FAM13C: variants seen among roughly 807,000 people sequenced by gnomAD.
FAM13C encodes family with sequence similarity 13 member C.
A neutral mutation model predicts 73.2 loss-of-function variants in FAM13C; 37 were observed. That is an observed-to-expected ratio of 0.51 (90% CI 0.39 to 0.67). The LOEUF is 0.67. Ranked by LOEUF, FAM13C falls within the 30% of genes least tolerant of loss-of-function variation. The pLI is 0.00. For missense variants in FAM13C, 589 were observed against 715.6 expected, an observed-to-expected ratio of 0.82 and a Z score of 2.02; for synonymous variants, 246 against 260.9, an observed-to-expected ratio of 0.94 and a Z score of 0.55.
chr10:59,295,795 T>C (rs1247906631), intron 5 of FAM13C, among the ~76,000 whole-genome samples: 1 of 152,154 alleles, frequency 6.6e-6, no homozygotes, highest in African/African-American at 2.4e-5. Context: ...GAAGCCAATA[T>C]AGAAAAAGAA....
chr10:59,302,905 C>A, intron 4 of FAM13C, 41 bp from the exon 5 acceptor site: 3 of 1,581,770 alleles, frequency 1.9e-6, no homozygotes, highest in Non-Finnish European at 2.6e-6. Flanking sequence ...TTAAAAGAAA[C>A]GTTTCAGTGA....
intron 3 of FAM13C, among the ~76,000 whole-genome samples, chr10:59,327,450 T>A (rs972723553): frequency 6.6e-6 from 1 of 152,174 alleles, no homozygotes; most frequent in East Asian, 1.9e-4. Flanking sequence ...GGTAAGCCCA[T>A]TTCTCTGCTC....
chr10:59,320,881 T>C (rs1026727813), intron 4 of FAM13C, among the ~76,000 whole-genome samples: 3 of 152,214 alleles, frequency 2.0e-5, no homozygotes, highest in Non-Finnish European at 4.4e-5. Context: ...AAATATGTAA[T>C]GAGGCAGCTT....
chr10:59,274,848 T>G (rs953068478), intron 6 of FAM13C, among the ~76,000 whole-genome samples: 1 of 152,178 alleles, frequency 6.6e-6, no homozygotes. Flanking sequence ...GGCTGAACAA[T>G]GTCCTGCCCA....
intron 5 of FAM13C, among the ~76,000 whole-genome samples, chr10:59,289,789 C>T (rs1336891251): frequency 2.6e-5 from 4 of 152,086 alleles, no homozygotes; most frequent in East Asian, 1.9e-4. Flanking sequence ...AGATGAGGGA[C>T]CCTTCATTCC....
intron 5 of FAM13C, among the ~76,000 whole-genome samples, chr10:59,286,589 G>A (rs1014702904): frequency 6.8e-6 from 1 of 148,052 alleles, no homozygotes; most frequent in African/African-American, 2.5e-5. Context: ...CTGGTGCTGG[G>A]GGGTGGGACA....
At chr10:59,334,269 T>C (rs1170866145) in intron 3 of FAM13C, among the ~76,000 whole-genome samples, 1 of 152,150 alleles carries the variant, frequency 6.6e-6, no homozygotes, top group Non-Finnish European at 1.5e-5. Flanking sequence ...AATTAACAAC[T>C]ATAATAAAGC....
intron 3 of FAM13C, among the ~76,000 whole-genome samples, chr10:59,348,107 A>G (rs1172787490): frequency 6.6e-6 from 1 of 152,214 alleles, no homozygotes; most frequent in African/African-American, 2.4e-5. Flanking sequence ...AAAGAACCCC[A>G]ATATGGCAGT....
intron 4 of FAM13C, among the ~76,000 whole-genome samples, chr10:59,305,035 T>A (rs1848105938): frequency 1.3e-5 from 2 of 152,182 alleles, no homozygotes; most frequent in African/African-American, 4.8e-5. Flanking sequence ...CCACCCAATC[T>A]TAGCCTTTTC....
chr10:59,261,245 C>T (rs1842475124), intron 10 of FAM13C, among the ~76,000 whole-genome samples: 1 of 152,126 alleles, frequency 6.6e-6, no homozygotes, highest in African/African-American at 2.4e-5. Context: ...ATGAAACCTT[C>T]TCTTCACTCC....
rs1855178738 is a variant in FAM13C, at chr10:59,352,441, T to C, written c.153A>G (p.Ala51=). 6.2e-7 allele frequency: 1 copy of C among 1,613,008 alleles called. No homozygotes were observed. The highest frequency in any genetic ancestry group is 2.2e-5 in the East Asian group (1 of 44,874). Residue 51 remains alanine (A), a synonymous_variant, in exon 3 of 14, where the codon GCA becomes GCG. Coordinates refer to ENST00000618804, the MANE Select transcript of FAM13C (RefSeq NM_198215.4). The part of the protein sequence containing the change: ...DENNKENYPD[A]GALVEEHAPP... Reference sequence around the variant, plus strand: ...GCGCGTGCTCTTCTACCAGAGCCCCTGCGTCGGGGTAGTTCTCTTTATTGT... The same window carrying C: ...GCGCGTGCTCTTCTACCAGAGCCCCCGCGTCGGGGTAGTTCTCTTTATTGT...
At chr10:59,346,950 C>A (rs577211207) in intron 3 of FAM13C, among the ~76,000 whole-genome samples, 1 of 152,162 alleles carries the variant, frequency 6.6e-6, no homozygotes. Flanking sequence ...CACCAACCAA[C>A]TCAACATCTC....
intron 5 of FAM13C, among the ~76,000 whole-genome samples, chr10:59,294,397 G>A (rs972956467): frequency 1.1e-4 from 16 of 152,318 alleles, no homozygotes; most frequent in African/African-American, 3.8e-4. Flanking sequence ...CAGGCAAAAG[G>A]CAGCACAGGT....
chr10:59,346,450 C>T (rs905245202), intron 3 of FAM13C, among the ~76,000 whole-genome samples: 6 of 152,192 alleles, frequency 3.9e-5, no homozygotes, highest in Non-Finnish European at 8.8e-5. Context: ...AAACCTGATG[C>T]TGATATACAC....
intron 5 of FAM13C, among the ~76,000 whole-genome samples, chr10:59,300,122 G>C (rs1362605602): frequency 6.6e-6 from 1 of 152,158 alleles, no homozygotes; most frequent in African/African-American, 2.4e-5. Context: ...ATGTATCACT[G>C]TGCCAGGCAG....
intron 3 of FAM13C, among the ~76,000 whole-genome samples, chr10:59,342,323 T>C (rs1319195947): frequency 6.8e-6 from 1 of 146,382 alleles, no homozygotes; most frequent in Non-Finnish European, 1.5e-5. Context: ...TCTGCTAACT[T>C]CCTTTCCACT....
At position 59,268,615 on chromosome 10, in the gene FAM13C, G is replaced by A. The variant is rs771846266; in HGVS notation, c.880C>T (p.Gln294Ter). 1.9e-6 allele frequency: 3 copies of A among 1,613,612 alleles called. No homozygotes were observed. The highest frequency in any genetic ancestry group is 1.3e-5 in the African/African-American group (1 of 74,908). Residue 294 changes from glutamine to a stop codon, truncating the protein, a stop_gained, in exon 8 of 14, where the codon CAG (glutamine) becomes TAG (stop). Coordinates refer to ENST00000618804, the MANE Select transcript of FAM13C (RefSeq NM_198215.4). LOFTEE classifies it high-confidence loss of function. ...TTCCGAATTTTCCGCTTGAGGCTCTGGATGTGCTTGGTGAGCTGGGTGATG... is the reference window on the plus strand; with the variant it reads ...TTCCGAATTTTCCGCTTGAGGCTCTAGATGTGCTTGGTGAGCTGGGTGATG... ...QTITQLTKHI[Q>*]SLKRKIRKFE...
intron 5 of FAM13C, among the ~76,000 whole-genome samples, chr10:59,297,628 C>A (rs1847074113): frequency 6.6e-6 from 1 of 152,144 alleles, no homozygotes; most frequent in Admixed American, 6.6e-5. Flanking sequence ...ATTCCTCAAC[C>A]CCCTCAGTTC....
chr10:59,318,202 C>T (rs1412653327), intron 4 of FAM13C, among the ~76,000 whole-genome samples: 1 of 151,650 alleles, frequency 6.6e-6, no homozygotes, highest in Non-Finnish European at 1.5e-5. Flanking sequence ...TCTAAGTTTC[C>T]CTTTTATCCT....
Sources: allele counts gnomAD v4.1 joint callset (sites outside exome capture counted in the v4.1 genomes callset), GRCh38; gene constraint gnomAD v4.1.1; transcripts MANE v1.5; gene names NCBI Gene and HGNC (gene_info 2026-07-23, HGNC 2026-07-21).